Variants in CYP2A13 observed in about 807,000 individuals in gnomAD.
CYP2A13 encodes cytochrome P450 family 2 subfamily A member 13.
Under a neutral mutation model 39.4 loss-of-function variants are expected in CYP2A13, and 30 were observed. That is an observed-to-expected ratio of 0.76 (90% CI 0.57 to 1.03). The LOEUF (loss-of-function observed/expected upper bound fraction) is 1.03. Among genes scored for constraint, CYP2A13 ranks in the 50% least tolerant of loss-of-function variants. The pLI is 0.00. For missense variants in CYP2A13, 731 were observed against 648.4 expected, an observed-to-expected ratio of 1.13 and a Z score of -1.38; for synonymous variants, 269 against 254.7, an observed-to-expected ratio of 1.06 and a Z score of -0.54.
rs368007546 is a variant in CYP2A13, at chr19:41,090,775, A to C, written c.654+211A>C. Among the ~76,000 whole-genome samples, 1,096 of 152,206 alleles carry C rather than the reference A, an allele frequency of 7.2e-3. 15 individuals are homozygous for C. The highest frequency in any genetic ancestry group is 0.047 in the South Asian group (227 of 4,816). ...GGACACCTGGATAGCTCAACAGATGATCCCCAAAACAGAGCCTGCTGGCAG... is the reference window on the plus strand; with the variant it reads ...GGACACCTGGATAGCTCAACAGATGCTCCCCAAAACAGAGCCTGCTGGCAG... On this transcript the variant is annotated intron_variant, in intron 4 of 8. Coordinates refer to ENST00000330436, the MANE Select transcript of CYP2A13 (RefSeq NM_000766.5).
At position 41,095,956 on chromosome 19, in the gene CYP2A13, G is replaced by T. The variant is rs368344608; in HGVS notation, c.*15G>T. ...TGCCCCGCTGAGCGAGGGCTGTGCT[G>T]GTGCAGGGCTGGTGGGCGGGGCCAG... On this transcript the variant is annotated 3_prime_UTR_variant, in exon 9 of 9. Coordinates refer to ENST00000330436, the MANE Select transcript of CYP2A13 (RefSeq NM_000766.5). 6.6e-5 allele frequency: 106 copies of T among 1,613,678 alleles called. No homozygotes were observed. In the African/African-American group the frequency reaches 8.5e-4, roughly 13 times the overall value.
At chr19:41,092,542 A>C (rs1231014458) in intron 5 of CYP2A13, among the ~76,000 whole-genome samples, 3 of 152,130 alleles carry the variant, frequency 2.0e-5, no homozygotes, top group African/African-American at 7.2e-5. Flanking sequence ...TCATGGCCCC[A>C]ATTGTACAAA....
intron 5 of CYP2A13, among the ~76,000 whole-genome samples, chr19:41,092,958 T>C (rs2031222844): frequency 1.3e-5 from 2 of 152,280 alleles, no homozygotes; most frequent in Non-Finnish European, 1.5e-5. Flanking sequence ...CTGTACTACT[T>C]TCTCTTCGTC....
chr19:41,093,711 A>G lies in CYP2A13; in HGVS notation c.913A>G (p.Thr305Ala), dbSNP rs1480042590. ...GAACCTCTTCTTTGCGGGCACTGAG[A>G]CCGTGAGCACCACCCTGCGCTACGG... The part of the protein sequence containing the change: ...TLNLFFAGTE[T>A]VSTTLRYGFL... Residue 305 changes from threonine (T) to alanine (A), a missense_variant, in exon 6 of 9, where the codon ACC becomes GCC. Physicochemically the swap from Thr to Ala is moderately conservative, Grantham distance 58. Coordinates refer to ENST00000330436, the MANE Select transcript of CYP2A13 (RefSeq NM_000766.5). 1 of 1,614,096 alleles carries G rather than the reference A, an allele frequency of 6.2e-7. No homozygotes were observed. The highest frequency in any genetic ancestry group is 1.1e-5 in the South Asian group (1 of 91,072).
chr19:41,094,330 G>A lies in CYP2A13; in HGVS notation c.1059G>A (p.Glu353=), dbSNP rs549224795. The A allele has an allele frequency of 3.7e-6, 6 of 1,614,130 alleles. No homozygotes were observed. The South Asian group carries it at 6.6e-5, about 18-fold the overall frequency. ...ACCGGGCCAAGATGCCCTACACAGAGGCAGTGATCCACGAGATCCAAAGAT... is the reference window on the plus strand; with the variant it reads ...ACCGGGCCAAGATGCCCTACACAGAAGCAGTGATCCACGAGATCCAAAGAT... The part of the protein sequence containing the change: ...FEDRAKMPYT[E]AVIHEIQRFG... The change falls in exon 7 of 9, where the codon GAG becomes GAA. Residue 353 remains glutamate, a synonymous_variant. Coordinates refer to ENST00000330436, the MANE Select transcript of CYP2A13 (RefSeq NM_000766.5).
chr19:41,088,495 G>A lies in CYP2A13; in HGVS notation c.24G>A (p.Leu8=). The change falls in exon 1 of 9, where the codon CTG becomes CTA. Residue 8 remains leucine, a synonymous_variant. Coordinates refer to ENST00000330436, the MANE Select transcript of CYP2A13 (RefSeq NM_000766.5). ...CCATGCTGGCCTCAGGGCTGCTTCT[G>A]GTGACCTTGCTGGCCTGCCTGACTG... MLASGLL[L]VTLLACLTVM... 9 of 1,613,848 alleles carry A rather than the reference G, an allele frequency of 5.6e-6. No individual in the cohort carries two copies. The highest frequency in any genetic ancestry group is 6.8e-6 in the Non-Finnish European group (8 of 1,179,808).
At chr19:41,092,799 A>C (rs898168825) in intron 5 of CYP2A13, among the ~76,000 whole-genome samples, 29 of 152,208 alleles carry the variant, frequency 1.9e-4, no homozygotes, top group Admixed American at 2.0e-4. Context: ...GCTTTAGGGA[A>C]TCCAAAGCTC....
chr19:41,093,701 G>T lies in CYP2A13; in HGVS notation c.903G>T (p.Ala301=), dbSNP rs150813195. 1.2e-6 allele frequency: 2 copies of T among 1,613,928 alleles called. No individual in the cohort carries two copies. Among genetic ancestry groups the T allele is most frequent in the African/African-American group, 1.3e-5 (1 of 74,866 alleles). Residue 301 remains alanine (A), a synonymous_variant, in exon 6 of 9, where the codon GCG becomes GCT. Coordinates refer to ENST00000330436, the MANE Select transcript of CYP2A13 (RefSeq NM_000766.5). ...LVMTTLNLFF[A]GTETVSTTLR... is the part of the protein sequence containing the mutation. ...TGACCACCCTGAACCTCTTCTTTGC[G>T]GGCACTGAGACCGTGAGCACCACCC... is the stretch of plus-strand genomic sequence containing the variant.
In CYP2A13 at chr19:41,095,003, C is replaced by T; in HGVS notation, c.1206C>T (p.Pro402=). 2 of 1,614,158 alleles carry T rather than the reference C, an allele frequency of 1.2e-6. No individual in the cohort carries two copies. The highest frequency in any genetic ancestry group is 1.7e-6 in the Non-Finnish European group (2 of 1,180,026). ...FPMLGSVLRD[P]RFFSNPRDFN... Reference sequence around the variant, plus strand: ...TGCTGGGCTCCGTGCTGAGAGACCCCAGGTTCTTCTCCAACCCCCGGGACT... The same window carrying T: ...TGCTGGGCTCCGTGCTGAGAGACCCTAGGTTCTTCTCCAACCCCCGGGACT... Residue 402 remains proline, a synonymous_variant, in exon 8 of 9, where the codon CCC becomes CCT. Transcript: ENST00000330436.
chr19:41,094,484 C>T (rs2031259669), intron 7 of CYP2A13, 52 bp downstream of exon 7: 1 of 1,601,760 alleles, frequency 6.2e-7, no homozygotes, highest in Non-Finnish European at 8.6e-7. Flanking sequence ...CTTCCAGCCT[C>T]TCTCTGTGTC....
chr19:41,090,221 G>C (rs776210715), intron 3 of CYP2A13, 25 bp downstream of exon 3: 1 of 1,550,448 alleles, frequency 6.4e-7, no homozygotes, highest in African/African-American at 1.4e-5. Context: ...CCGAGTGCGA[G>C]GGCGGGAACC....
intron 4 of CYP2A13, 27 bp downstream of exon 4, chr19:41,090,591 G>A: frequency 1.9e-6 from 3 of 1,613,740 alleles, no homozygotes; most frequent in Non-Finnish European, 2.5e-6. Context: ...CGCCAGTGAC[G>A]CCCCTACCAC....
Position 41,088,533 on chromosome 19 carries a change from T to G in CYP2A13, c.62T>G (p.Met21Arg). The change falls in exon 1 of 9, where the codon ATG becomes AGG. Residue 21 changes from methionine (M) to arginine (R), a missense_variant. By Grantham distance (91) the Met-to-Arg change is moderately conservative (BLOSUM62 -1). Coordinates refer to ENST00000330436, the MANE Select transcript of CYP2A13 (RefSeq NM_000766.5). ...LLACLTVMVLMSVWRQRKSRG... is the reference protein window; with the variant it reads ...LLACLTVMVLRSVWRQRKSRG... Reference sequence around the variant, plus strand: ...GCCTGCCTGACTGTGATGGTCTTGATGTCAGTCTGGCGGCAGAGGAAGAGC... The same window carrying G: ...GCCTGCCTGACTGTGATGGTCTTGAGGTCAGTCTGGCGGCAGAGGAAGAGC... The G allele has an allele frequency of 6.2e-7, 1 of 1,614,050 alleles. No homozygotes were observed. The highest frequency in any genetic ancestry group is 1.1e-5 in the South Asian group (1 of 91,074).
chr19:41,093,893 C>T, intron 6 of CYP2A13, 122 bp downstream of exon 6: 1 of 1,191,556 alleles, frequency 8.4e-7, no homozygotes, highest in South Asian at 1.5e-5. Context: ...TGTCCAGAGA[C>T]AGGACAATAT....
intron 7 of CYP2A13, among the ~76,000 whole-genome samples, chr19:41,094,660 A>C (rs1295696575): frequency 6.6e-6 from 1 of 152,040 alleles, no homozygotes; most frequent in Non-Finnish European, 1.5e-5. Context: ...CCATGTTCCC[A>C]AACTTCCTGT....
chr19:41,095,664 C>T, intron 8 of CYP2A13, 96 bp from the exon 9 acceptor site: 4 of 1,488,158 alleles, frequency 2.7e-6, no homozygotes, highest in South Asian at 1.3e-5. Flanking sequence ...TAATATTCCA[C>T]CCCTCCTCCC....
intron 6 of CYP2A13, 93 bp from the exon 7 acceptor site, chr19:41,094,152 G>A: frequency 1.9e-6 from 3 of 1,538,808 alleles, no homozygotes; most frequent in Non-Finnish European, 2.6e-6. Context: ...TGTCATAGGT[G>A]GAGCTATGTC....
chr19:41,095,751 C>T lies in CYP2A13; in HGVS notation c.1304-9C>T. On this transcript the variant is annotated splice_polypyrimidine_tract_variant and intron_variant, in intron 8 of 8. Transcript: ENST00000330436. ...CTTCACCTTCACCCCTCCTGCCTCT[C>T]CTCCTCAGGAAAGCGGTACTGTTTT... 1 of 1,613,978 alleles carries T rather than the reference C, an allele frequency of 6.2e-7. No homozygotes were observed. The highest frequency in any genetic ancestry group is 8.5e-7 in the Non-Finnish European group (1 of 1,179,864).
rs758007882 is a variant in CYP2A13 at position 41,090,047 on chromosome 19, G to T, written c.344G>T (p.Gly115Val). ...TCCACCCCCGCGTTCACCTCCCCAG[G>T]CGTGGCGTTCAGCAACGGGGAGCGC... ...ATFDWLFKGYGVAFSNGERAK... is the reference protein window; with the variant it reads ...ATFDWLFKGYVVAFSNGERAK... Residue 115 changes from glycine to valine, a missense_variant and splice_region_variant, in exon 3 of 9, where the codon GGC becomes GTC. Coordinates refer to ENST00000330436, the MANE Select transcript of CYP2A13 (RefSeq NM_000766.5). 2 of 1,612,158 alleles carry T rather than the reference G, an allele frequency of 1.2e-6. No homozygotes were observed. Among genetic ancestry groups the T allele is most frequent in the Non-Finnish European group, 1.7e-6 (2 of 1,179,474 alleles).
Sources: allele counts gnomAD v4.1 joint callset (sites outside exome capture counted in the v4.1 genomes callset), GRCh38; gene constraint gnomAD v4.1.1; transcripts MANE v1.5; gene names NCBI Gene and HGNC (gene_info 2026-07-23, HGNC 2026-07-21).